The following SASH1 variants were observed in gnomAD, a reference collection of about 807,000 sequenced individuals.
SASH1 encodes SAM and SH3 domain containing 1, also known as SAM and SH3 domain-containing protein 1.
In SASH1, 44 loss-of-function variants were observed where a neutral mutation model predicts 125.2. That is an observed-to-expected ratio of 0.35 (90% CI 0.28 to 0.45). The LOEUF (loss-of-function observed/expected upper bound fraction) is 0.45. Among genes scored for constraint, SASH1 ranks in the 20% least tolerant of loss-of-function variants. The pLI is 1.00. For missense variants in SASH1, 1,426 were observed against 1,614.5 expected (o/e 0.88, Z 2.00); for synonymous variants, 639 against 649.1 (o/e 0.98, Z 0.24).
chr6:148,224,798 A>T, the SASH1 span, among the ~76,000 whole-genome samples: 1 of 152,140 alleles, frequency 6.6e-6, no homozygotes. Flanking sequence ...TGATAGAAAA[A>T]ATTTTGCGTA....
intron 16 of SASH1, among the ~76,000 whole-genome samples, chr6:148,535,661 A>G (rs1781798677): frequency 1.3e-5 from 2 of 152,212 alleles, no homozygotes; most frequent in African/African-American, 2.4e-5. Flanking sequence ...AAGTCTGTCT[A>G]TTTGAATACA....
intron 2 of SASH1, among the ~76,000 whole-genome samples, chr6:148,435,147 G>GGT (rs1776240433): frequency 1.3e-5 from 2 of 152,144 alleles, no homozygotes; most frequent in Non-Finnish European, 2.9e-5. Flanking sequence ...TGGATCCCGA[G>GGT]GTCGGAAGTT....
intron 2 of SASH1, among the ~76,000 whole-genome samples, chr6:148,405,018 A>G (rs551428661): frequency 2.6e-5 from 4 of 151,954 alleles, no homozygotes; most frequent in African/African-American, 9.6e-5. Flanking sequence ...CAGTCTAGGA[A>G]GAGATAGTTG....
intron 1 of SASH1, among the ~76,000 whole-genome samples, chr6:148,327,420 G>A (rs1282550409): frequency 6.6e-6 from 1 of 151,562 alleles, no homozygotes; most frequent in Non-Finnish European, 1.5e-5. Flanking sequence ...AAGTAGCTGG[G>A]ACCATAGGCG....
chr6:148,474,057 C>G (rs1778231697), intron 6 of SASH1, 53 bp from the exon 7 acceptor site: 2 of 1,122,534 alleles, frequency 1.8e-6, no homozygotes, highest in East Asian at 4.9e-5. Context: ...CATTGACGTT[C>G]TGTTTCGCCA....
At chr6:148,287,762 T>C (rs1013591224) in intron 1 of SASH1, among the ~76,000 whole-genome samples, 1 of 152,106 alleles carries the variant, frequency 6.6e-6, no homozygotes, top group Admixed American at 6.6e-5. Flanking sequence ...TTTGTAAATT[T>C]AGTTAATGAG....
the SASH1 span, among the ~76,000 whole-genome samples, chr6:148,244,957 TGTGAGA>T: frequency 2.5e-3 from 338 of 135,684 alleles, no homozygotes; most frequent in African/African-American, 6.3e-3. Context: ...TGTGTGTGTG[TGTGAGA>T]GAGAGAGAGA....
chr6:148,489,485 G>T (rs1179407847), intron 8 of SASH1, among the ~76,000 whole-genome samples: 1 of 152,050 alleles, frequency 6.6e-6, no homozygotes, highest in African/African-American at 2.4e-5. Context: ...CTTAGTTTGA[G>T]TTTTTCTATT....
At chr6:148,326,591 G>A (rs534388104) in intron 1 of SASH1, among the ~76,000 whole-genome samples, 3 of 149,648 alleles carry the variant, frequency 2.0e-5, no homozygotes, top group East Asian at 2.0e-4. Context: ...TAATAGAGAC[G>A]GGGTTTCACC....
chr6:148,297,771 A>G (rs1446918405), intron 1 of SASH1, among the ~76,000 whole-genome samples: 1 of 151,480 alleles, frequency 6.6e-6, no homozygotes. Context: ...CAGAGGTTGC[A>G]GTGAGCCGAG....
chr6:148,297,057 T>C (rs1346367942), intron 1 of SASH1, among the ~76,000 whole-genome samples: 1 of 152,174 alleles, frequency 6.6e-6, no homozygotes, highest in African/African-American at 2.4e-5. Context: ...TTTCTAGTAT[T>C]TCCATATGGA....
intron 1 of SASH1, among the ~76,000 whole-genome samples, chr6:148,299,677 A>C (rs923448354): frequency 1.3e-5 from 2 of 151,888 alleles, no homozygotes; most frequent in African/African-American, 4.8e-5. Flanking sequence ...AAAAGAAAAA[A>C]AAAAAAAAGG....
intron 2 of SASH1, 98 bp downstream of exon 2, chr6:148,390,360 T>G: frequency 8.2e-7 from 1 of 1,226,034 alleles, no homozygotes; most frequent in Non-Finnish European, 1.1e-6. Flanking sequence ...TCCTGGGGTA[T>G]CAATCTGTAG....
intron 2 of SASH1, among the ~76,000 whole-genome samples, chr6:148,419,426 C>T (rs60581996): frequency 0.02 from 3,036 of 152,146 alleles, 123 homozygotes; most frequent in African/African-American, 0.07. Context: ...AGGTTGATGC[C>T]GTATCCCTAT....
At chr6:148,356,610 C>T (rs1397928893) in intron 1 of SASH1, among the ~76,000 whole-genome samples, 4 of 147,976 alleles carry the variant, frequency 2.7e-5, no homozygotes, top group African/African-American at 9.9e-5. Flanking sequence ...GCTGGGATTA[C>T]AGGCACCCAC....
intron 2 of SASH1, among the ~76,000 whole-genome samples, chr6:148,416,882 G>A (rs1359194864): frequency 6.6e-6 from 1 of 152,194 alleles, no homozygotes. Context: ...AGCCATTGAG[G>A]GAGACCTCAT....
chr6:148,344,819 G>T (rs1011530488), intron 1 of SASH1, among the ~76,000 whole-genome samples: 2 of 150,280 alleles, frequency 1.3e-5, no homozygotes, highest in Non-Finnish European at 2.9e-5. Context: ...GCAGTGGCAC[G>T]AGCTCAGCTC....
intron 1 of SASH1, among the ~76,000 whole-genome samples, chr6:148,276,494 A>G (rs1779187227): frequency 6.6e-6 from 1 of 152,162 alleles, no homozygotes; most frequent in African/African-American, 2.4e-5. Flanking sequence ...CTAGAAGAGT[A>G]AGAGAAAAGA....
chr6:148,404,167 C>G (rs1190375538), intron 2 of SASH1, among the ~76,000 whole-genome samples: 3 of 152,098 alleles, frequency 2.0e-5, no homozygotes, highest in African/African-American at 7.2e-5. Context: ...TAAAAATAAG[C>G]ATAAATATTT....
Sources: allele counts gnomAD v4.1 joint callset (sites outside exome capture counted in the v4.1 genomes callset), GRCh38; gene constraint gnomAD v4.1.1; transcripts MANE v1.5; gene names NCBI Gene and HGNC (gene_info 2026-07-23, HGNC 2026-07-21).